Variants in CCDC81 observed in about 807,000 individuals in gnomAD.
CCDC81 encodes the protein coiled-coil domain containing 81.
Under a neutral mutation model 83.7 loss-of-function variants are expected in CCDC81, and 79 were observed. The ratio of observed to expected loss-of-function variants is 0.94; its 90% confidence interval spans 0.79 to 1.14. The LOEUF (loss-of-function observed/expected upper bound fraction) is 1.14, where lower values mean the gene tolerates loss of function less well. Among genes scored for constraint, CCDC81 ranks in the 50% most tolerant of loss-of-function variants. The pLI is 0.00. For missense variants in CCDC81, 791 were observed against 778.1 expected (o/e 1.02, Z -0.20); for synonymous variants, 252 against 278.1 (o/e 0.91, Z 0.93).
In CCDC81 at chr11:86,422,577, T is replaced by TA; in HGVS notation, c.1821_1822insA (p.Ser608IlefsTer11). The TA allele has an allele frequency of 6.2e-7, 1 of 1,613,522 alleles. No homozygotes were observed. Among genetic ancestry groups the TA allele is most frequent in the Non-Finnish European group, 8.5e-7 (1 of 1,179,634 alleles). On this transcript the variant is annotated frameshift_variant, in exon 15 of 15. Coordinates refer to ENST00000445632, the MANE Select transcript of CCDC81 (RefSeq NM_001156474.2). LOFTEE classifies it high-confidence loss of function. ...GCATTTGCTCTCCTCTCCTCAGGGC[T>TA]TCAGACAAGCTGTTTCTCCTAGACC... is the stretch of plus-strand genomic sequence containing the variant.
chr11:86,408,358 G>T, intron 9 of CCDC81, 88 bp downstream of exon 9: 1 of 1,227,766 alleles, frequency 8.1e-7, no homozygotes, highest in Non-Finnish European at 1.1e-6. Context: ...ATTGGCGCAG[G>T]GTCTCACTCT....
intron 3 of CCDC81, 129 bp downstream of exon 3, chr11:86,387,801 CT>C: frequency 1.5e-6 from 1 of 684,638 alleles, no homozygotes; most frequent in Non-Finnish European, 2.4e-6. Flanking sequence ...TCACAAGGTG[CT>C]TTTGGCAGAG....
chr11:86,414,783 T>G lies in CCDC81; in HGVS notation c.1392-6T>G. On this transcript the variant is annotated splice_region_variant and splice_polypyrimidine_tract_variant and intron_variant, in intron 11 of 14. Transcript: ENST00000445632. ...TGGTCCATCTTCTCTTGTTCTTAAC[T>G]GCCAGACTTGCTGCGCAAAGAGCGA... 1 of 1,603,638 alleles carries G rather than the reference T, an allele frequency of 6.2e-7. No homozygotes were observed. The highest frequency in any genetic ancestry group is 8.5e-7 in the Non-Finnish European group (1 of 1,176,456).
intron 5 of CCDC81, among the ~76,000 whole-genome samples, chr11:86,396,847 G>A (rs1364369789): frequency 2.0e-5 from 3 of 152,164 alleles, no homozygotes; most frequent in Non-Finnish European, 4.4e-5. Context: ...AAACATGGCT[G>A]TTCCCTTTGA....
chr11:86,376,222 T>C (rs1208089087), intron 1 of CCDC81, among the ~76,000 whole-genome samples: 1 of 152,188 alleles, frequency 6.6e-6, no homozygotes, highest in Middle Eastern at 3.2e-3. Context: ...AGGTAAATGA[T>C]ACCAGGGAGG....
chr11:86,409,171 T>G (rs1021058379), intron 9 of CCDC81, 90 bp from the exon 10 acceptor site: 3 of 558,326 alleles, frequency 5.4e-6, no homozygotes, highest in Admixed American at 4.0e-5. Flanking sequence ...CTGGATTATT[T>G]TAATGTAATA....
intron 13 of CCDC81, among the ~76,000 whole-genome samples, 189 bp downstream of exon 13, chr11:86,415,502 T>C (rs1948706936): frequency 6.6e-6 from 1 of 152,252 alleles, no homozygotes; most frequent in Non-Finnish European, 1.5e-5. Flanking sequence ...TGCTTCATCT[T>C]GTTTTATCTT....
At position 86,397,741 on chromosome 11, in the gene CCDC81, A is replaced by C; in HGVS notation, c.756A>C (p.Arg252Ser). ...AGTCAGACAAAGAAGAAGGCACCAG[A>C]GGTAGGCCAATGATTTCTGGGTCCA... ...KDQSDKEEGT[R>S]DISSPKRLRD... Residue 252 changes from arginine (R) to serine (S), a missense_variant and splice_region_variant, in exon 6 of 15, where the codon AGA (arginine) becomes AGC (serine). Transcript: ENST00000445632. 3 of 1,612,002 alleles carry C rather than the reference A, an allele frequency of 1.9e-6. No individual in the cohort carries two copies. The highest frequency in any genetic ancestry group is 8.5e-7 in the Non-Finnish European group (1 of 1,179,142).
chr11:86,422,780 T>A lies in CCDC81; in HGVS notation c.*65T>A. On this transcript the variant is annotated 3_prime_UTR_variant, in exon 15 of 15. Coordinates refer to ENST00000445632, the MANE Select transcript of CCDC81 (RefSeq NM_001156474.2). ...TATCTTTTACATGTTTGGGGGTGAT[T>A]GTGAAACTGCGTATTTTTACCTCAG... 6.8e-7 allele frequency: 1 copy of A among 1,474,790 alleles called. No homozygotes were observed. The allele number at this position is 1,474,790 out of a possible 1,614,324, so 91.4% of individuals were successfully genotyped here.
intron 1 of CCDC81, among the ~76,000 whole-genome samples, chr11:86,378,142 G>A (rs1279346895): frequency 6.6e-6 from 1 of 151,732 alleles, no homozygotes; most frequent in African/African-American, 2.4e-5. Flanking sequence ...CTATTTGTCT[G>A]TTCTTTTGTC....
At chr11:86,394,452 T>C (rs964266361) in intron 4 of CCDC81, among the ~76,000 whole-genome samples, 2 of 152,230 alleles carry the variant, frequency 1.3e-5, no homozygotes, top group African/African-American at 4.8e-5. Flanking sequence ...TTTAACTGCC[T>C]GAATGTATTT....
rs1278765540 is a variant in CCDC81 at position 86,422,975 on chromosome 11, G to A, written c.*260G>A. 2 of 386,700 alleles carry A rather than the reference G, an allele frequency of 5.2e-6. No homozygotes were observed. Among genetic ancestry groups the A allele is most frequent in the Non-Finnish European group, 9.3e-6 (2 of 214,858 alleles). 24.0% of individuals were successfully genotyped at this position (386,700 alleles called of 1,614,324 possible). On this transcript the variant is annotated 3_prime_UTR_variant, in exon 15 of 15. Transcript: ENST00000445632. ...GCTAGAACCTGCTGCACAGGGGCTG[G>A]GAATGGGATCCAGCTTCATTATGGC...
rs376484278 is a variant in CCDC81, at chr11:86,389,833, C to T, written c.298+2161C>T. ...TAATATATAAGAAATGGGTTGGGTA[C>T]GATGGCTCATGCCTGTAATCCCAGC... On this transcript the variant is annotated intron_variant, in intron 3 of 14. Transcript: ENST00000445632. 3.3e-5 allele frequency among the ~76,000 whole-genome samples: 5 copies of T among 152,262 alleles called. No homozygotes were observed. The East Asian group carries it at 5.8e-4, about 18-fold the overall frequency.
chr11:86,420,405 G>A (rs955989452), intron 14 of CCDC81, among the ~76,000 whole-genome samples: 2 of 152,046 alleles, frequency 1.3e-5, no homozygotes, highest in African/African-American at 2.4e-5. Context: ...TTAGAGAATC[G>A]TTATTTAAGA....
Position 86,388,013 on chromosome 11 carries a change from T to C in CCDC81, c.298+341T>C, listed in dbSNP as rs139567658. On this transcript the variant is annotated intron_variant, in intron 3 of 14. Transcript: ENST00000445632. ...AAAGAAGAGAAAGTTAATTAGGATC[T>C]CTGGTTGGGAGAACTACAGTCAGTA... Among the ~76,000 whole-genome samples, 39 of 152,328 alleles carry C rather than the reference T, an allele frequency of 2.6e-4. No individual in the cohort carries two copies. The East Asian group carries it at 6.0e-3, about 23-fold the overall frequency.
chr11:86,384,467 A>C (rs1255252999), intron 1 of CCDC81, among the ~76,000 whole-genome samples: 1 of 152,210 alleles, frequency 6.6e-6, no homozygotes, highest in Non-Finnish European at 1.5e-5. Context: ...TTCCATCACC[A>C]AACTTGTTCC....
intron 7 of CCDC81, among the ~76,000 whole-genome samples, chr11:86,401,072 C>T (rs988131515): frequency 2.0e-5 from 3 of 152,094 alleles, no homozygotes; most frequent in Non-Finnish European, 4.4e-5. Context: ...GATCATCCAA[C>T]TTTTTCTGTA....
intron 14 of CCDC81, among the ~76,000 whole-genome samples, chr11:86,422,087 C>T (rs926798130): frequency 1.3e-5 from 2 of 152,280 alleles, no homozygotes; most frequent in Non-Finnish European, 2.9e-5. Flanking sequence ...CCTCTCCTGC[C>T]CTTAACTCTC....
intron 1 of CCDC81, among the ~76,000 whole-genome samples, chr11:86,377,880 G>A (rs1222826809): frequency 6.6e-6 from 1 of 150,590 alleles, no homozygotes; most frequent in Non-Finnish European, 1.5e-5. Context: ...TTATCTTCTA[G>A]GAGTTCTGTG....
Sources: allele counts gnomAD v4.1 joint callset (sites outside exome capture counted in the v4.1 genomes callset), GRCh38; gene constraint gnomAD v4.1.1; transcripts MANE v1.5; gene names NCBI Gene and HGNC (gene_info 2026-07-23, HGNC 2026-07-21).